Variants in MTRR observed in about 807,000 individuals in gnomAD.
MTRR encodes 5-methyltetrahydrofolate-homocysteine methyltransferase reductase, also known as methionine synthase reductase.
MTRR carries 63 observed loss-of-function variants against 79.2 expected under a neutral mutation model. That is an observed-to-expected ratio of 0.80 (90% confidence interval 0.65 to 0.98). The LOEUF (loss-of-function observed/expected upper bound fraction) is 0.98, where lower values mean the gene tolerates loss of function less well. Ranked by LOEUF, MTRR falls within the 50% of genes least tolerant of loss-of-function variation. The probability of loss-of-function intolerance (pLI) is 0.00; values close to 1 mark genes in which losing one functional copy is unlikely to be tolerated. For synonymous variants in MTRR, 355 were observed against 313.3 expected (o/e 1.13, Z -1.41); for missense variants, 895 against 839.6 (o/e 1.07, Z -0.82).
At chr5:7,898,959 G>GGTGC (rs1738999996) in intron 14 of MTRR, among the ~76,000 whole-genome samples, 1 of 152,104 alleles carries the variant, frequency 6.6e-6, no homozygotes, top group South Asian at 2.1e-4. Context: ...GAGGAAACAT[G>GGTGC]GTGCCGGCAC....
At position 7,897,109 on chromosome 5, in the gene MTRR, T is replaced by G. The variant is rs765296721; in HGVS notation, c.1814T>G (p.Leu605Arg). ...CTTAAGCATGGGATCTTAACTCATC[T>G]AAAGGTTTCCTTCTCAAGAGATGCT... is the stretch of plus-strand genomic sequence containing the variant. ...HFLKHGILTHLKVSFSRDAPV... is the reference protein window; with the variant it reads ...HFLKHGILTHRKVSFSRDAPV... Residue 605 changes from leucine (L) to arginine (R), a missense_variant, in exon 14 of 15, where the codon CTA becomes CGA. Physicochemically the swap from Leu to Arg is moderately radical, Grantham distance 102. Coordinates refer to ENST00000440940, the MANE Select transcript of MTRR (RefSeq NM_002454.3). The G allele has an allele frequency of 1.2e-6, 2 of 1,614,188 alleles. No homozygotes were observed. The highest frequency in any genetic ancestry group is 1.7e-6 in the Non-Finnish European group (2 of 1,180,018).
At chr5:7,860,733 A>G (rs1746479671) in intron 1 of MTRR, among the ~76,000 whole-genome samples, 1 of 152,246 alleles carries the variant, frequency 6.6e-6, no homozygotes, top group South Asian at 2.1e-4. Flanking sequence ...GGCCTTGAAA[A>G]TAACCTTAAC....
At position 7,883,168 on chromosome 5, in the gene MTRR, T is replaced by G. The variant is rs768609406; in HGVS notation, c.794T>G (p.Val265Gly). The G allele has an allele frequency of 5.0e-6, 8 of 1,614,128 alleles. No homozygotes were observed. The highest frequency in any genetic ancestry group is 1.7e-5 in the Admixed American group (1 of 60,016). The change falls in exon 6 of 15, where the codon GTA becomes GGA. Residue 265 changes from valine (V) to glycine (G), a missense_variant. Physicochemically the swap from Val to Gly is moderately radical, Grantham distance 109 (BLOSUM62 -3). Transcript: ENST00000440940. ...TTGTTTTTCAAGGAGGAAAGCCAAGTATCTGTGACTTCAGCAGATCCAGTT... is the reference window on the plus strand; with the variant it reads ...TTGTTTTTCAAGGAGGAAAGCCAAGGATCTGTGACTTCAGCAGATCCAGTT... ...QESLGQEESQ[V>G]SVTSADPVFQ... is the part of the protein sequence containing the mutation.
chr5:7,865,635 G>T (rs528848534), upstream of MTRR, among the ~76,000 whole-genome samples: 2 of 152,264 alleles, frequency 1.3e-5, no homozygotes, highest in South Asian at 2.1e-4. Context: ...CCTTCAGAGA[G>T]AATGGAGAAA....
chr5:7,851,446 G>T, exon 1 of MTRR: 1 of 162,424 alleles, frequency 6.2e-6, no homozygotes, highest in Non-Finnish European at 1.3e-5. Flanking sequence ...AACGGAGCAG[G>T]CCTTGTCCAC....
chr5:7,867,542 G>T (rs1284561505), upstream of MTRR: 6 of 1,614,128 alleles, frequency 3.7e-6, no homozygotes, highest in Middle Eastern at 1.6e-4. Context: ...AGCTTGCAAA[G>T]CAGTCACTAA....
intron 14 of MTRR, among the ~76,000 whole-genome samples, chr5:7,898,486 G>GGCTCA (rs1158040748): frequency 6.6e-6 from 1 of 152,158 alleles, no homozygotes; most frequent in African/African-American, 2.4e-5. Flanking sequence ...GTGGTCAGAG[G>GGCTCA]GCTCAGAAGG....
chr5:7,851,970 T>G (rs1423266742), intron 1 of MTRR, among the ~76,000 whole-genome samples: 1 of 152,232 alleles, frequency 6.6e-6, no homozygotes, highest in Non-Finnish European at 1.5e-5. Context: ...AGGTGGTGTT[T>G]GAGATGAAGC....
chr5:7,883,330 AAG>A, intron 6 of MTRR, 53 bp downstream of exon 6: 1 of 1,611,554 alleles, frequency 6.2e-7, no homozygotes, highest in African/African-American at 1.3e-5. Context: ...GATGTGCAGA[AAG>A]AGTTGTGTGG....
At chr5:7,897,554 C>A (rs1341230728) in intron 14 of MTRR, among the ~76,000 whole-genome samples, 1 of 152,140 alleles carries the variant, frequency 6.6e-6, no homozygotes, top group East Asian at 1.9e-4. Flanking sequence ...GACTTGAAAT[C>A]TCCAGATTGA....
At chr5:7,875,097 A>G (rs771508867) in intron 3 of MTRR, 161 bp from the exon 4 acceptor site, 10 of 650,552 alleles carry the variant, frequency 1.5e-5, no homozygotes, top group Admixed American at 2.5e-5. Flanking sequence ...AACTGCCTAC[A>G]TGCATAGAAT....
intron 6 of MTRR, among the ~76,000 whole-genome samples, chr5:7,884,579 G>C (rs1736110062): frequency 6.6e-6 from 1 of 152,124 alleles, no homozygotes; most frequent in African/African-American, 2.4e-5. Flanking sequence ...TGGAGAACCT[G>C]AGGATATGGA....
Position 7,859,532 on chromosome 5 carries a change from T to C in MTRR, n.392-2419T>C, listed in dbSNP as rs1185433669. On this transcript the variant is annotated intron_variant and non_coding_transcript_variant, in intron 1 of 3. Transcript: ENST00000502509. ...TGATTTTAGCATCCCAATCTCATGA[T>C]AGGGGATCTGTAAAGGTAGAAAAGT... The C allele has an allele frequency of 7.5e-6, 12 of 1,590,752 alleles. No homozygotes were observed. In the East Asian group the frequency reaches 1.4e-4, roughly 18 times the overall value.
intron 1 of MTRR, among the ~76,000 whole-genome samples, chr5:7,855,437 AAGTT>A (rs983644328): frequency 2.6e-5 from 4 of 151,912 alleles, no homozygotes; most frequent in African/African-American, 7.2e-5. Context: ...AAAAAAGAAA[AAGTT>A]AAAGAATAGA....
rs139855244 is a variant in MTRR at position 7,857,958 on chromosome 5, G to A, written n.392-3993G>A. 6.6e-4 allele frequency among the ~76,000 whole-genome samples: 101 copies of A among 152,312 alleles called. 1 individual carries two copies. The East Asian group carries it at 0.018, about 27-fold the overall frequency. The stretch of plus-strand genomic sequence containing the variant: ...TCAACAGCACAGGTGAAGAACGCTC[G>A]TGCTGTATTTTTCTTCATAGCATTT... On this transcript the variant is annotated intron_variant and non_coding_transcript_variant, in intron 1 of 3. Coordinates refer to the MTRR transcript ENST00000502509.
At chr5:7,883,447 TGAGTTGTGTGGTGCTTGGTTACATATG>T (rs1735904230) in intron 6 of MTRR, among the ~76,000 whole-genome samples, 170 bp downstream of exon 6, 1 of 140,954 alleles carries the variant, frequency 7.1e-6, no homozygotes, top group Non-Finnish European at 1.6e-5. Context: ...TTACATATGC[TGAGTTGTGTGGTGCTTGGTTACATATG>T]CTGAGTTGTG....
chr5:7,880,391 C>T (rs1159045365), intron 5 of MTRR, among the ~76,000 whole-genome samples: 11 of 152,212 alleles, frequency 7.2e-5, no homozygotes, highest in South Asian at 4.1e-4. Flanking sequence ...AGCACTTTGA[C>T]TAAATCATTG....
intron 4 of MTRR, 36 bp from the exon 5 acceptor site, chr5:7,877,908 C>T (rs1426128085): frequency 1.9e-6 from 3 of 1,606,862 alleles, no homozygotes; most frequent in Non-Finnish European, 2.5e-6. Context: ...AGAACTTAGG[C>T]ATTTGTTTTG....
rs771421325 is a variant in MTRR at position 7,895,773 on chromosome 5, C to T, written c.1597C>T (p.Pro533Ser). The T allele has an allele frequency of 5.0e-6, 8 of 1,613,936 alleles. No individual in the cohort carries two copies. The Admixed American group carries it at 1.3e-4, about 27-fold the overall frequency. Residue 533 changes from proline to serine, a missense_variant, in exon 12 of 15, where the codon CCA becomes TCA. Coordinates refer to ENST00000440940, the MANE Select transcript of MTRR (RefSeq NM_002454.3). ...SPRTTNSFHL[P>S]DDPSIPIIMV... The stretch of plus-strand genomic sequence containing the variant: ...TCGAACAACAAATTCTTTCCACTTA[C>T]CAGATGACCCCTCAATCCCCATCAT...
Sources: allele counts gnomAD v4.1 joint callset (sites outside exome capture counted in the v4.1 genomes callset), GRCh38; gene constraint gnomAD v4.1.1; transcripts MANE v1.5; gene names NCBI Gene and HGNC (gene_info 2026-07-23, HGNC 2026-07-21).